CEACAM5: variants seen among roughly 807,000 people sequenced by gnomAD.
CEACAM5 encodes the protein cell adhesion molecule CEACAM5.
A neutral mutation model predicts 63.0 loss-of-function variants in CEACAM5; 52 were observed. That is an observed-to-expected ratio of 0.83 (90% CI 0.66 to 1.04). CEACAM5 has a LOEUF of 1.04. Among genes scored for constraint, CEACAM5 ranks in the 50% least tolerant of loss-of-function variants. CEACAM5 has a pLI of 0.00. For missense variants in CEACAM5, 790 were observed against 864.8 expected (o/e 0.91, Z 1.08); for synonymous variants, 357 against 351.3 (o/e 1.02, Z -0.18).
At position 41,720,088 on chromosome 19, in the gene CEACAM5, A is replaced by G. The variant is rs201362268; in HGVS notation, c.1651A>G (p.Asn551Asp). Reference sequence around the variant, plus strand: ...AGTCAGTCCCAGGCTGCAGCTGTCCAATGGCAACAGGACCCTCACTCTATT... The same window carrying G: ...AGTCAGTCCCAGGCTGCAGCTGTCCGATGGCAACAGGACCCTCACTCTATT... ...LPVSPRLQLSNGNRTLTLFNV... is the reference protein window; with the variant it reads ...LPVSPRLQLSDGNRTLTLFNV... The change falls in exon 7 of 10, where the codon AAT becomes GAT. Residue 551 changes from asparagine to aspartate, a missense_variant. Coordinates refer to ENST00000221992, the MANE Select transcript of CEACAM5 (RefSeq NM_004363.6). 3.2e-5 allele frequency: 52 copies of G among 1,614,130 alleles called. No individual in the cohort carries two copies. Among genetic ancestry groups the G allele is most frequent in the Non-Finnish European group, 4.2e-6 (5 of 1,180,056 alleles).
At position 41,727,296 on chromosome 19, in the gene CEACAM5, G is replaced by T. The variant is rs782107321; in HGVS notation, c.2089G>T (p.Val697Phe). The T allele has an allele frequency of 2.5e-6, 4 of 1,613,986 alleles. No individual in the cohort carries two copies. The South Asian group carries it at 4.4e-5, about 18-fold the overall frequency. The change falls in exon 9 of 10, where the codon GTT (valine) becomes TTT (phenylalanine). Residue 697 changes from valine to phenylalanine, a missense_variant. By Grantham distance (50) the Val-to-Phe change is conservative (BLOSUM62 -1). Transcript: ENST00000221992. ...TGTCGGCATCATGATTGGAGTGCTG[G>T]TTGGGGTTGCTCTGATATAGCAGCC... ...ATVGIMIGVL[V>F]GVALI
intron 1 of CEACAM5, 26 bp from the exon 2 acceptor site, chr19:41,709,654 G>A (rs1261926898): frequency 6.2e-7 from 1 of 1,601,028 alleles, no homozygotes; most frequent in Non-Finnish European, 8.5e-7. Context: ...TCCCAATATT[G>A]ACCGATGCTC....
chr19:41,726,209 G>C (rs1555817083), intron 8 of CEACAM5, among the ~76,000 whole-genome samples: 2 of 152,166 alleles, frequency 1.3e-5, no homozygotes, highest in African/African-American at 4.8e-5. Flanking sequence ...GGCAGTTCTA[G>C]AGCCAAATCC....
intron 8 of CEACAM5, 146 bp from the exon 9 acceptor site, chr19:41,727,088 A>C: frequency 2.7e-6 from 2 of 744,084 alleles, no homozygotes; most frequent in Admixed American, 1.8e-5. Context: ...AGAGAGAAAA[A>C]ATTGCAACTT....
chr19:41,720,578 C>T (rs1487408607), intron 7 of CEACAM5, among the ~76,000 whole-genome samples: 2 of 142,140 alleles, frequency 1.4e-5, no homozygotes, highest in African/African-American at 5.3e-5. Context: ...GTGATCTCGG[C>T]TCACTGCAAG....
intron 2 of CEACAM5, among the ~76,000 whole-genome samples, chr19:41,713,974 G>T (rs1260007264): frequency 6.6e-6 from 1 of 152,142 alleles, no homozygotes; most frequent in Non-Finnish European, 1.5e-5. Flanking sequence ...CAGCACTTTG[G>T]GAGGCCAAGG....
At chr19:41,720,864 C>CTT in intron 7 of CEACAM5, 58 bp from the exon 8 acceptor site, 1 of 1,594,940 alleles carries the variant, frequency 6.3e-7, no homozygotes, top group African/African-American at 1.3e-5. Context: ...CTTCTACAAT[C>CTT]AGGAGCTTCC....
intron 3 of CEACAM5, 153 bp from the exon 4 acceptor site, chr19:41,715,497 A>G: frequency 8.5e-7 from 1 of 1,176,994 alleles, no homozygotes; most frequent in Non-Finnish European, 1.2e-6. Flanking sequence ...ACAGGTGAAT[A>G]TCTCAGACTC....
At position 41,715,119 on chromosome 19, in the gene CEACAM5, G is replaced by A. The variant is rs1555814672; in HGVS notation, c.573G>A (p.Leu191=). Residue 191 remains leucine, a synonymous_variant, in exon 3 of 10, where the codon CTG becomes CTA. Coordinates refer to ENST00000221992, the MANE Select transcript of CEACAM5 (RefSeq NM_004363.6). ...AGAGCCTCCCGGTCAGTCCCAGGCT[G>A]CAGCTGTCCAATGGCAACAGGACCC... ...NNQSLPVSPR[L]QLSNGNRTLT... 1 of 1,614,210 alleles carries A rather than the reference G, an allele frequency of 6.2e-7. No homozygotes were observed. Among genetic ancestry groups the A allele is most frequent in the Non-Finnish European group, 8.5e-7 (1 of 1,180,028 alleles).
rs1555817259 is a variant in CEACAM5 at position 41,727,337 on chromosome 19, C to A, written c.*21C>A. ...TATAGCAGCCCTGGTGTAGTTTCTT[C>A]ATTTCAGGAAGACTGGTAGGTATAA... On this transcript the variant is annotated 3_prime_UTR_variant, in exon 9 of 10. Coordinates refer to ENST00000221992, the MANE Select transcript of CEACAM5 (RefSeq NM_004363.6). The A allele has an allele frequency of 2.6e-6, 4 of 1,565,010 alleles. No homozygotes were observed. In the South Asian group the frequency reaches 4.4e-5, roughly 17 times the overall value.
At position 41,709,684 on chromosome 19, in the gene CEACAM5, A is replaced by T. The variant is rs782662186; in HGVS notation, c.69A>T (p.Ser23=). The stretch of plus-strand genomic sequence containing the variant: ...ATGCTCTCTGCTCTCTCCTAGCCTC[A>T]CTTCTAACCTTCTGGAACCCGCCCA... ...IPWQRLLLTA[S]LLTFWNPPTT... The change falls in exon 2 of 10, where the codon TCA becomes TCT. Residue 23 remains serine, a synonymous_variant. Coordinates refer to ENST00000221992, the MANE Select transcript of CEACAM5 (RefSeq NM_004363.6). 6.2e-7 allele frequency: 1 copy of T among 1,613,092 alleles called. No individual in the cohort carries two copies. The highest frequency in any genetic ancestry group is 2.2e-5 in the East Asian group (1 of 44,866).
At chr19:41,710,272 G>T (rs1012191085) in intron 2 of CEACAM5, among the ~76,000 whole-genome samples, 1 of 152,164 alleles carries the variant, frequency 6.6e-6, no homozygotes, top group African/African-American at 2.4e-5. Flanking sequence ...TCTGATGTGG[G>T]GGACTTAGCA....
In CEACAM5 at chr19:41,727,360, T is replaced by C; in HGVS notation, c.*36+8T>C. On this transcript the variant is annotated splice_region_variant and intron_variant, in intron 9 of 9. Coordinates refer to ENST00000221992, the MANE Select transcript of CEACAM5 (RefSeq NM_004363.6). ...TTCATTTCAGGAAGACTGGTAGGTA[T>C]AATGGCCTTTCCTCTTGTTCTGTTT... The C allele has an allele frequency of 7.4e-7, 1 of 1,348,138 alleles. No homozygotes were observed. The highest frequency in any genetic ancestry group is 1.1e-6 in the Non-Finnish European group (1 of 941,604). 83.5% of individuals were successfully genotyped at this position (1,348,138 alleles called of 1,614,324 possible).
At chr19:41,721,489 T>A (rs1902203694) in intron 8 of CEACAM5, among the ~76,000 whole-genome samples, 1 of 152,270 alleles carries the variant, frequency 6.6e-6, no homozygotes, top group Admixed American at 6.5e-5. Flanking sequence ...GAGTTGCTCC[T>A]CTCTATCACC....
rs34510228 is a variant in CEACAM5 at position 41,730,419 on chromosome 19, C to CA, written c.*1286dup. 8.8e-4 allele frequency among the ~76,000 whole-genome samples: 115 copies of CA among 131,180 alleles called. 2 individuals carry two copies. The highest frequency in any genetic ancestry group is 1.1e-3 in the East Asian group (5 of 4,484). The allele number at this position is 131,180 out of a possible 152,430, so 86.1% of individuals were successfully genotyped here. On this transcript the variant is annotated 3_prime_UTR_variant, in exon 10 of 10. Coordinates refer to ENST00000221992, the MANE Select transcript of CEACAM5 (RefSeq NM_004363.6). ...CCTGGGAGACAAAGTGAGACTCCGT[C>CA]AAAAAAAAAAAAAAGTCTATGTGGT...
At chr19:41,724,204 T>A (rs1302256154) in intron 8 of CEACAM5, among the ~76,000 whole-genome samples, 3 of 152,230 alleles carry the variant, frequency 2.0e-5, no homozygotes, top group Non-Finnish European at 4.4e-5. Context: ...CAGCTTTCCC[T>A]ATATCATTTG....
chr19:41,719,804 C>T (rs1421142206), intron 6 of CEACAM5, 126 bp from the exon 7 acceptor site: 1 of 1,520,414 alleles, frequency 6.6e-7, no homozygotes, highest in Non-Finnish European at 8.9e-7. Context: ...GTGATACACA[C>T]ACCTGCCATG....
chr19:41,715,373 C>T (rs782128052), intron 3 of CEACAM5, 124 bp downstream of exon 3: 2 of 1,423,648 alleles, frequency 1.4e-6, no homozygotes, highest in Admixed American at 1.8e-5. Flanking sequence ...TCCAGACTGT[C>T]TGTGACTTTC....
At chr19:41,722,467 T>A (rs2072638353) in intron 8 of CEACAM5, among the ~76,000 whole-genome samples, 1 of 151,990 alleles carries the variant, frequency 6.6e-6, no homozygotes, top group Non-Finnish European at 1.5e-5. Context: ...CTTACCATAC[T>A]AAACCTCTGT....
Sources: allele counts gnomAD v4.1 joint callset (sites outside exome capture counted in the v4.1 genomes callset), GRCh38; gene constraint gnomAD v4.1.1; transcripts MANE v1.5; gene names NCBI Gene and HGNC (gene_info 2026-07-23, HGNC 2026-07-21).